EP400: variants seen among roughly 807,000 people sequenced by gnomAD.
EP400 encodes the protein E1A binding protein p400.
A neutral mutation model predicts 354.1 loss-of-function variants in EP400; 105 were observed. That is an observed-to-expected ratio of 0.30 (90% CI 0.25 to 0.35). The LOEUF (loss-of-function observed/expected upper bound fraction) is 0.35. Among genes scored for constraint, EP400 ranks in the 10% least tolerant of loss-of-function variants. EP400 has a pLI of 1.00. For synonymous variants in EP400, 1,646 were observed against 1,716.9 expected (o/e 0.96, Z 1.02); for missense variants, 3,280 against 4,121.0 (o/e 0.80, Z 5.59).
rs556700868 is a variant in EP400, at chr12:131,978,178, G to C, written c.1336-1516G>C. ...ACTTTTAAAAAACATGATTTTTTAC[G>C]AGCAGTTTTAGGTTCACAGCAGAAT... On this transcript the variant is annotated intron_variant, in intron 2 of 52. Transcript: ENST00000389561. Among the ~76,000 whole-genome samples, 165 of 152,156 alleles carry C rather than the reference G, an allele frequency of 1.1e-3. 1 individual carries two copies. The highest frequency in any genetic ancestry group is 3.9e-3 in the African/African-American group (162 of 41,534).
intron 1 of EP400, among the ~76,000 whole-genome samples, chr12:131,958,578 G>A (rs1472454646): frequency 6.6e-6 from 1 of 152,124 alleles, no homozygotes; most frequent in African/African-American, 2.4e-5. Flanking sequence ...TTTTGGAGAT[G>A]GAATCTTGTT....
rs58724167 is a variant in EP400, at chr12:132,073,459, C to CTTTTTTTTTTTTTTTTTTTT, written c.9022-3043_9022-3042insTTTTTTTTTTTTTTTTTTTT. On this transcript the variant is annotated intron_variant, in intron 51 of 52. Transcript: ENST00000389561. ...GTGCGTTTTAATTCTGTCCCTTTTC[C>CTTTTTTTTTTTTTTTTTTTT]TTTTTTTTTTTTTTGACACAGTCTT... 2.7e-3 allele frequency among the ~76,000 whole-genome samples: 313 copies of CTTTTTTTTTTTTTTTTTTTT among 117,614 alleles called. 39 individuals carry two copies. The highest frequency in any genetic ancestry group is 0.011 in the African/African-American group (245 of 22,592). The allele number at this position is 117,614 out of a possible 152,430, so 77.2% of individuals were successfully genotyped here.
chr12:131,997,134 C>T (rs1893241308), intron 12 of EP400, among the ~76,000 whole-genome samples: 1 of 152,108 alleles, frequency 6.6e-6, no homozygotes, highest in African/African-American at 2.4e-5. Context: ...GCCAACCCGC[C>T]CCCACCACCT....
intron 15 of EP400, among the ~76,000 whole-genome samples, chr12:132,010,300 C>T (rs1432104813): frequency 2.6e-5 from 4 of 151,890 alleles, no homozygotes; most frequent in African/African-American, 7.3e-5. Context: ...TTGGTCAGGC[C>T]GGTCTTGAAC....
chr12:132,044,752 A>G, intron 36 of EP400, 37 bp downstream of exon 36: 1 of 1,614,166 alleles, frequency 6.2e-7, no homozygotes, highest in Non-Finnish European at 8.5e-7. Flanking sequence ...CTGTGTGGGC[A>G]GCTTCCTGTG....
chr12:132,067,121 C>A lies in EP400; in HGVS notation c.8749+152C>A. On this transcript the variant is annotated intron_variant, in intron 49 of 52. Transcript: ENST00000389561. The surrounding 1 kb of genome is among the most constrained non-coding windows in gnomAD (Gnocchi z 5.3). ...GTTCTAGCACAAACGTGCCTTGGCGCTTTCCAGGCGCAAGGCTGGGTCCTC... is the reference window on the plus strand; with the variant it reads ...GTTCTAGCACAAACGTGCCTTGGCGATTTCCAGGCGCAAGGCTGGGTCCTC... 8.5e-7 allele frequency: 1 copy of A among 1,178,728 alleles called. No homozygotes were observed. The highest frequency in any genetic ancestry group is 1.2e-6 in the Non-Finnish European group (1 of 868,320). 73.0% of individuals were successfully genotyped at this position (1,178,728 alleles called of 1,614,324 possible). A position where few individuals can be genotyped will look rare whatever the true frequency, so the allele number is the denominator to read the frequency against.
In EP400 at chr12:132,078,491, T is replaced by C. The variant is rs1483448289; in HGVS notation, c.*818T>C. The C allele has an allele frequency of 1.3e-5, 2 of 152,270 alleles. No homozygotes were observed. The highest frequency in any genetic ancestry group is 2.9e-5 in the Non-Finnish European group (2 of 68,062). 9.4% of individuals were successfully genotyped at this position (152,270 alleles called of 1,614,324 possible). ...CGGGGGAAGCTGGTATTTGACATAG[T>C]GTGTTAAACAGCTCCTGAGAACCTT... On this transcript the variant is annotated 3_prime_UTR_variant, in exon 53 of 53. Coordinates refer to ENST00000389561, the MANE Select transcript of EP400 (RefSeq NM_015409.5).
intron 12 of EP400, among the ~76,000 whole-genome samples, chr12:132,002,922 G>T (rs1463935910): frequency 1.3e-5 from 2 of 152,214 alleles, no homozygotes; most frequent in Admixed American, 1.3e-4. Context: ...TCTTCACAGA[G>T]ATGTGGAATT....
At chr12:132,039,668 T>C (rs1894832758) in intron 32 of EP400, among the ~76,000 whole-genome samples, 1 of 152,156 alleles carries the variant, frequency 6.6e-6, no homozygotes, top group Non-Finnish European at 1.5e-5. Flanking sequence ...TTATTACATA[T>C]GAGGAGGTAT....
Position 132,038,168 on chromosome 12 carries a change from G to C in EP400, c.6207+72G>C. 1.3e-6 allele frequency: 2 copies of C among 1,586,770 alleles called. No individual in the cohort carries two copies. Among genetic ancestry groups the C allele is most frequent in the East Asian group, 4.5e-5 (2 of 44,728 alleles). Reference sequence around the variant, plus strand: ...GCGGAACACCTGCACCCTCCCCCAGGGTTCTGGGTGCTCAGTCCCCACTCT... The same window carrying C: ...GCGGAACACCTGCACCCTCCCCCAGCGTTCTGGGTGCTCAGTCCCCACTCT... On this transcript the variant is annotated intron_variant, in intron 32 of 52. Transcript: ENST00000389561. The surrounding 1 kb of genome is among the most constrained non-coding windows in gnomAD (Gnocchi z 4.2).
intron 2 of EP400, among the ~76,000 whole-genome samples, chr12:131,962,958 C>T (rs888661803): frequency 6.6e-6 from 1 of 152,148 alleles, no homozygotes; most frequent in Admixed American, 6.5e-5. Flanking sequence ...GTGGCTTTGC[C>T]ATTTTGTGTT....
Position 132,067,073 on chromosome 12 carries a change from C to A in EP400, c.8749+104C>A, listed in dbSNP as rs1367698058. On this transcript the variant is annotated intron_variant, in intron 49 of 52. Coordinates refer to ENST00000389561, the MANE Select transcript of EP400 (RefSeq NM_015409.5). The surrounding 1 kb of genome is among the most constrained non-coding windows in gnomAD (Gnocchi z 5.3). Reference sequence around the variant, plus strand: ...GACCCGTGTTCTTTCCTCACACCCACCCACTTGAGCGTGCCATCACGTGTT... The same window carrying A: ...GACCCGTGTTCTTTCCTCACACCCAACCACTTGAGCGTGCCATCACGTGTT... The A allele has an allele frequency of 7.3e-7, 1 of 1,363,638 alleles. No individual in the cohort carries two copies. The highest frequency in any genetic ancestry group is 1.5e-5 in the African/African-American group (1 of 67,890). The allele number at this position is 1,363,638 out of a possible 1,614,324, so 84.5% of individuals were successfully genotyped here.
At chr12:132,037,615 C>T in intron 30 of EP400, 67 bp from the exon 31 acceptor site, 1 of 1,251,952 alleles carries the variant, frequency 8.0e-7, no homozygotes, top group East Asian at 2.3e-5. Flanking sequence ...CATCTGCATG[C>T]TGTGCCCACC....
chr12:131,966,860 C>T (rs1055218839), intron 2 of EP400, among the ~76,000 whole-genome samples: 4 of 145,630 alleles, frequency 2.7e-5, no homozygotes, highest in Middle Eastern at 3.5e-3. Flanking sequence ...GCCGAGTTCA[C>T]CCCATTGCAC....
At position 132,044,822 on chromosome 12, in the gene EP400, C is replaced by T. The variant is rs765649878; in HGVS notation, c.6653C>T (p.Pro2218Leu). Residue 2218 changes from proline to leucine, a missense_variant, in exon 37 of 53, where the codon CCG becomes CTG. Pro to Leu is a moderately conservative substitution (Grantham distance 98). This residue lies in a region of EP400 where 231 missense variants were observed against 257.9 expected (regional missense o/e 0.90). Coordinates refer to ENST00000389561, the MANE Select transcript of EP400 (RefSeq NM_015409.5). ...CAGCTCTGGACCCCACCCACCCCGC[C>T]GCAGGACGACAGCGACATCTACCTC... is the stretch of plus-strand genomic sequence containing the variant. ...VMPLWTPPTP[P>L]QDDSDIYLDS... is the part of the protein sequence containing the mutation. 4 of 1,614,130 alleles carry T rather than the reference C, an allele frequency of 2.5e-6. No individual in the cohort carries two copies. Among genetic ancestry groups the T allele is most frequent in the Non-Finnish European group, 2.5e-6 (3 of 1,180,024 alleles).
intron 19 of EP400, among the ~76,000 whole-genome samples, chr12:132,016,358 T>A (rs981521275): frequency 6.6e-6 from 1 of 151,572 alleles, no homozygotes; most frequent in Non-Finnish European, 1.5e-5. Context: ...GCCCTCCTGC[T>A]TTTTTTTTCT....
chr12:132,043,147 C>T (rs1894971179), intron 32 of EP400, among the ~76,000 whole-genome samples, 157 bp from the exon 33 acceptor site: 2 of 152,250 alleles, frequency 1.3e-5, no homozygotes, highest in African/African-American at 2.4e-5. Context: ...ATCATTTTCA[C>T]CTGTAAGAGG....
chr12:132,008,744 A>G (rs1452664600), intron 15 of EP400, among the ~76,000 whole-genome samples: 1 of 150,654 alleles, frequency 6.6e-6, no homozygotes, highest in Non-Finnish European at 1.5e-5. Context: ...CAGCCTCCCA[A>G]GTAGCTGGGA....
chr12:132,065,062 T>C (rs1895845060), intron 48 of EP400, 176 bp downstream of exon 48: 1 of 1,187,066 alleles, frequency 8.4e-7, no homozygotes, highest in Non-Finnish European at 1.1e-6. Flanking sequence ...TCGTGGAACA[T>C]TAACACAGCA....
Sources: allele counts gnomAD v4.1 joint callset (sites outside exome capture counted in the v4.1 genomes callset), GRCh38; gene constraint gnomAD v4.1.1; regional missense constraint gnomAD v4.1.1; non-coding constraint Gnocchi (gnomAD v3.1); transcripts MANE v1.5; gene names NCBI Gene and HGNC (gene_info 2026-07-23, HGNC 2026-07-21).